The following DSCAML1 variants were observed in gnomAD, a reference collection of about 807,000 sequenced individuals.
DSCAML1 encodes DS cell adhesion molecule like 1, also known as cell adhesion molecule DSCAML1.
Under a neutral mutation model 200.5 loss-of-function variants are expected in DSCAML1, and 38 were observed. The observed-to-expected ratio is 0.19, with a 90% CI of 0.15 to 0.25. DSCAML1 has a LOEUF of 0.25. Ranked by LOEUF, DSCAML1 falls within the 10% of genes least tolerant of loss-of-function variation. The pLI, the probability that DSCAML1 is intolerant of heterozygous loss-of-function variation, is 1.00. For synonymous variants in DSCAML1, 1,215 were observed against 1,165.0 expected (o/e 1.04, Z -0.87); for missense variants, 2,223 against 2,858.8 (o/e 0.78, Z 5.07).
At chr11:117,566,551 TG>T (rs56998326) in intron 3 of DSCAML1, among the ~76,000 whole-genome samples, 54,721 of 138,168 alleles carry the variant, frequency 0.4, 10,170 homozygotes, top group Middle Eastern at 0.44. Context: ...ATTTTTGCCT[TG>T]GTTTTTTTTT....
At chr11:117,432,627 GT>G in intron 29 of DSCAML1, 123 bp from the exon 30 acceptor site, 8 of 1,173,962 alleles carry the variant, frequency 6.8e-6, no homozygotes, top group Non-Finnish European at 9.6e-6. Context: ...TTGTTTGTTT[GT>G]TTTTTTGAGA....
At chr11:117,455,174 C>T (rs1304455682) in intron 19 of DSCAML1, among the ~76,000 whole-genome samples, 1 of 152,196 alleles carries the variant, frequency 6.6e-6, no homozygotes, top group Non-Finnish European at 1.5e-5. Flanking sequence ...CTGTCCTCCG[C>T]AAGAAGAGTG....
intron 21 of DSCAML1, among the ~76,000 whole-genome samples, chr11:117,441,489 T>C (rs1157721292): frequency 6.6e-6 from 1 of 151,668 alleles, no homozygotes; most frequent in Admixed American, 6.6e-5. Context: ...CCAAGGGTGG[T>C]GGCGGAGGAC....
chr11:117,544,628 T>C (rs145275973), intron 3 of DSCAML1, among the ~76,000 whole-genome samples: 41 of 152,292 alleles, frequency 2.7e-4, no homozygotes, highest in African/African-American at 8.4e-4. Context: ...CCCATCCTTC[T>C]TCCTCTCCTT....
rs1455211493 is a variant in DSCAML1, at chr11:117,498,037, G to A, written c.2359+5808C>T. Among the ~76,000 whole-genome samples the A allele has an allele frequency of 2.6e-5, 4 of 152,228 alleles. No homozygotes were observed. The highest frequency in any genetic ancestry group is 9.6e-5 in the African/African-American group (4 of 41,458). On this transcript the variant is annotated intron_variant, in intron 11 of 32. Transcript: ENST00000651296. The surrounding 1 kb of genome is among the most constrained non-coding windows in gnomAD (Gnocchi z 4.0). ...GACCAGACCTGTGGACTAGAGGTCCGTCAGCCAGTCCAGATTCCAGAGTGG... is the reference window on the plus strand; with the variant it reads ...GACCAGACCTGTGGACTAGAGGTCCATCAGCCAGTCCAGATTCCAGAGTGG...
rs2055217301 is a variant in DSCAML1, at chr11:117,780,244, GAAAGAAAGAAAGAAAGAAA to G, written c.364+230_364+248del. On this transcript the variant is annotated intron_variant, in intron 2 of 32. Coordinates refer to ENST00000651296, the MANE Select transcript of DSCAML1 (RefSeq NM_020693.4). This position sits in a 1 kb window ranked among gnomAD's most constrained non-coding sequence, Gnocchi z 4.8. ...GAAAGAAAGAAAGGAAAGAAAGAAA[GAAAGAAAGAAAGAAAGAAA>G]GAAAGAAAGAAAGAAAGAAAGAAAG... 5.8e-5 allele frequency among the ~76,000 whole-genome samples: 4 copies of G among 69,548 alleles called. No individual in the cohort carries two copies. The highest frequency in any genetic ancestry group is 9.7e-5 in the Non-Finnish European group (3 of 31,088). 45.6% of individuals were successfully genotyped at this position (69,548 alleles called of 152,430 possible).
In DSCAML1 at chr11:117,742,310, T is replaced by C. The variant is rs553440336; in HGVS notation, c.511+34481A>G. Among the ~76,000 whole-genome samples the C allele has an allele frequency of 5.9e-5, 9 of 152,254 alleles. No homozygotes were observed. The East Asian group carries it at 1.7e-3, about 29-fold the overall frequency. On this transcript the variant is annotated intron_variant, in intron 3 of 32. Coordinates refer to ENST00000651296, the MANE Select transcript of DSCAML1 (RefSeq NM_020693.4). ...AGCCTGAGGTCAAACCCAGAGCTCC[T>C]AACTCCCAATCTAGTGATGACAGGA...
Position 117,503,816 on chromosome 11 carries a change from G to T in DSCAML1, c.2359+29C>A, listed in dbSNP as rs765501903. 1 of 1,604,598 alleles carries T rather than the reference G, an allele frequency of 6.2e-7. No homozygotes were observed. The highest frequency in any genetic ancestry group is 1.3e-5 in the African/African-American group (1 of 74,836). On this transcript the variant is annotated intron_variant, in intron 11 of 32. Transcript: ENST00000651296. This position sits in a 1 kb window ranked among gnomAD's most constrained non-coding sequence, Gnocchi z 5.2. ...CGGGGCTTGGCTGTGATTTGGGGGT[G>T]CTAGGGGGCGTGTGGGGACAGGACT... is the stretch of plus-strand genomic sequence containing the variant.
intron 11 of DSCAML1, among the ~76,000 whole-genome samples, chr11:117,499,513 T>C (rs1353799030): frequency 1.3e-5 from 2 of 152,148 alleles, no homozygotes; most frequent in Non-Finnish European, 2.9e-5. Flanking sequence ...CTTTTTACTC[T>C]GTGATCCTTC....
chr11:117,609,972 T>C (rs2051654148), intron 3 of DSCAML1, among the ~76,000 whole-genome samples: 1 of 152,134 alleles, frequency 6.6e-6, no homozygotes, highest in Non-Finnish European at 1.5e-5. Flanking sequence ...GAACCTACAC[T>C]GATGTTTCAC....
rs1491286009 is a variant in DSCAML1 at position 117,780,297 on chromosome 11, A to AAAGAAAGG, written c.364+195_364+196insCCTTTCTT. 4.7e-5 allele frequency among the ~76,000 whole-genome samples: 5 copies of AAAGAAAGG among 106,084 alleles called. No individual in the cohort carries two copies. Among genetic ancestry groups the AAAGAAAGG allele is most frequent in the African/African-American group, 1.6e-4 (5 of 31,904 alleles). The allele number at this position is 106,084 out of a possible 152,430, so 69.6% of individuals were successfully genotyped here. A position where few individuals can be genotyped will look rare whatever the true frequency, so the allele number is the denominator to read the frequency against. The stretch of plus-strand genomic sequence containing the variant: ...GAAAGAAAGAAAGAAAGAAAGAAAG[A>AAAGAAAGG]AAGAAAGAGAGAAAGGAGAAAGAAA... On this transcript the variant is annotated intron_variant, in intron 2 of 32. Transcript: ENST00000651296. This position sits in a 1 kb window ranked among gnomAD's most constrained non-coding sequence, Gnocchi z 4.8.
chr11:117,434,264 C>G (rs926539702), intron 27 of DSCAML1, among the ~76,000 whole-genome samples: 1 of 152,114 alleles, frequency 6.6e-6, no homozygotes, highest in Non-Finnish European at 1.5e-5. Context: ...TCCATCCAAC[C>G]AACCATTAAT....
intron 3 of DSCAML1, among the ~76,000 whole-genome samples, chr11:117,774,902 G>A (rs1381522632): frequency 6.6e-6 from 1 of 152,112 alleles, no homozygotes; most frequent in African/African-American, 2.4e-5. Flanking sequence ...GACTTTTTGT[G>A]ATGATACAAA....
At chr11:117,816,766 C>A (rs999981886) in intron 1 of DSCAML1, among the ~76,000 whole-genome samples, 2 of 148,798 alleles carry the variant, frequency 1.3e-5, no homozygotes, top group Non-Finnish European at 3.0e-5. Context: ...CCCTTCCTTG[C>A]TCCCTGTACA....
intron 1 of DSCAML1, among the ~76,000 whole-genome samples, chr11:117,816,497 T>C (rs1038341153): frequency 6.6e-6 from 1 of 152,194 alleles, no homozygotes; most frequent in Admixed American, 6.5e-5. Flanking sequence ...CCCTGATGAA[T>C]TGCAGTTCAG....
At chr11:117,687,740 C>T (rs1323815861) in intron 3 of DSCAML1, among the ~76,000 whole-genome samples, 7 of 151,914 alleles carry the variant, frequency 4.6e-5, no homozygotes, top group Non-Finnish European at 8.8e-5. Context: ...GAAGTGTAGT[C>T]TCTCTAGGCT....
At chr11:117,603,150 A>G (rs2051497997) in intron 3 of DSCAML1, among the ~76,000 whole-genome samples, 1 of 152,182 alleles carries the variant, frequency 6.6e-6, no homozygotes, top group African/African-American at 2.4e-5. Flanking sequence ...AGACCAGTGC[A>G]AGGTCCCATA....
At chr11:117,468,550 C>T (rs1182639273) in intron 16 of DSCAML1, among the ~76,000 whole-genome samples, 2 of 152,204 alleles carry the variant, frequency 1.3e-5, no homozygotes, top group Non-Finnish European at 2.9e-5. Flanking sequence ...TACAGGTCCA[C>T]AGCCAGGACG....
Position 117,524,743 on chromosome 11 carries a change from C to T in DSCAML1, c.937+62G>A, listed in dbSNP as rs553529571. The T allele has an allele frequency of 4.6e-6, 7 of 1,528,776 alleles. No individual in the cohort carries two copies. In the East Asian group the frequency reaches 1.7e-4, roughly 38 times the overall value. The allele number at this position is 1,528,776 out of a possible 1,614,324, so 94.7% of individuals were successfully genotyped here. ...GGTCCAGCTGTCGGCCACACTCCTC[C>T]CCCGACCCCTGAGGCGCCCTCAGAG... On this transcript the variant is annotated intron_variant, in intron 5 of 32. Transcript: ENST00000651296.
Sources: gnomAD v4.1 joint callset for allele counts (sites outside exome capture counted in the v4.1 genomes callset) on GRCh38, gnomAD v4.1.1 for gene constraint, Gnocchi (gnomAD v3.1) non-coding constraint, MANE v1.5 for transcripts, NCBI Gene and HGNC (gene_info 2026-07-23, HGNC 2026-07-21) for gene names.